Variants in EML5 observed in about 807,000 individuals in gnomAD.
EML5 encodes echinoderm microtubule-associated protein-like 5.
In EML5, 120 loss-of-function variants were observed where a neutral mutation model predicts 250.0. The observed-to-expected ratio is 0.48, with a 90% CI of 0.41 to 0.56. The LOEUF (loss-of-function observed/expected upper bound fraction) is 0.56. EML5 is among the 20% of genes least tolerant of loss of function. The pLI, the probability that EML5 is intolerant of heterozygous loss-of-function variation, is 0.00. For missense variants in EML5, 2,006 were observed against 2,437.6 expected (o/e 0.82, Z 3.73); for synonymous variants, 771 against 806.5 (o/e 0.96, Z 0.75).
chr14:88,696,829 G>T lies in EML5; in HGVS notation c.2344+18C>A, dbSNP rs779596460. On this transcript the variant is annotated intron_variant, in intron 15 of 43. Transcript: ENST00000554922. ...TCTGCATTTTGTTAATTCTTACTGAGACAGCAAACAGCCTTACCTGAGAAA... is the reference window on the plus strand; with the variant it reads ...TCTGCATTTTGTTAATTCTTACTGATACAGCAAACAGCCTTACCTGAGAAA... 2 of 1,564,372 alleles carry T rather than the reference G, an allele frequency of 1.3e-6. No individual in the cohort carries two copies. Among genetic ancestry groups the T allele is most frequent in the South Asian group, 2.4e-5 (2 of 84,360 alleles).
chr14:88,779,296 TATCAG>T (rs2094474862), intron 1 of EML5, among the ~76,000 whole-genome samples: 2 of 152,224 alleles, frequency 1.3e-5, no homozygotes, highest in Admixed American at 1.3e-4. Context: ...ATGAGTATCA[TATCAG>T]AAGTTTAAAT....
chr14:88,690,731 G>A (rs1297712952), intron 17 of EML5, among the ~76,000 whole-genome samples: 1 of 152,162 alleles, frequency 6.6e-6, no homozygotes, highest in African/African-American at 2.4e-5. Context: ...TATGCTGAAG[G>A]GAAAGTCAGT....
intron 1 of EML5, among the ~76,000 whole-genome samples, chr14:88,776,865 A>G (rs2094451869): frequency 6.6e-6 from 1 of 152,148 alleles, no homozygotes; most frequent in African/African-American, 2.4e-5. Flanking sequence ...TGGGTGACAG[A>G]GCAAGACCCC....
intron 29 of EML5, among the ~76,000 whole-genome samples, chr14:88,645,650 C>T (rs1216624705): frequency 6.6e-6 from 1 of 152,152 alleles, no homozygotes; most frequent in Non-Finnish European, 1.5e-5. Context: ...GCTGAAGTCC[C>T]TAGTACTGGT....
At chr14:88,621,894 CTT>C (rs1567020219) in intron 37 of EML5, 1 of 456,452 alleles carries the variant, frequency 2.2e-6, no homozygotes, top group Admixed American at 2.4e-5. Context: ...AAAATCCTCT[CTT>C]GTAAATACCT....
intron 4 of EML5, among the ~76,000 whole-genome samples, chr14:88,742,010 C>T (rs2093931927): frequency 6.6e-6 from 1 of 151,940 alleles, no homozygotes; most frequent in Admixed American, 6.6e-5. Context: ...TTCAGCATGT[C>T]CTAATTTGAA....
intron 7 of EML5, among the ~76,000 whole-genome samples, chr14:88,735,036 A>G (rs902848489): frequency 6.6e-6 from 1 of 152,160 alleles, no homozygotes; most frequent in Non-Finnish European, 1.5e-5. Context: ...GATGTTTGAG[A>G]TATCTTTTAA....
intron 13 of EML5, among the ~76,000 whole-genome samples, chr14:88,703,406 A>G (rs937824373): frequency 1.3e-5 from 2 of 152,198 alleles, no homozygotes; most frequent in African/African-American, 4.8e-5. Context: ...CCATGAGAAT[A>G]CAACGTATAT....
At chr14:88,635,752 C>CA (rs2140523881) in intron 32 of EML5, among the ~76,000 whole-genome samples, 1 of 152,164 alleles carries the variant, frequency 6.6e-6, no homozygotes, top group East Asian at 1.9e-4. Flanking sequence ...TGTCTTCCCC[C>CA]AAAATTCATA....
intron 1 of EML5, among the ~76,000 whole-genome samples, chr14:88,766,879 T>C (rs1234812207): frequency 6.6e-6 from 1 of 152,110 alleles, no homozygotes; most frequent in Non-Finnish European, 1.5e-5. Context: ...TTAGGGAAAA[T>C]AGAAAAGGAC....
chr14:88,631,847 C>T (rs2090458216), intron 33 of EML5, among the ~76,000 whole-genome samples: 1 of 152,158 alleles, frequency 6.6e-6, no homozygotes, highest in African/African-American at 2.4e-5. Flanking sequence ...CAGCTCATAT[C>T]TCTTCTAATG....
At chr14:88,684,017 C>G (rs895446856) in intron 20 of EML5, among the ~76,000 whole-genome samples, 2 of 151,874 alleles carry the variant, frequency 1.3e-5, no homozygotes, top group African/African-American at 4.8e-5. Context: ...AGAAGTAAAA[C>G]TATGTGTATT....
At chr14:88,734,110 A>C (rs907072033) in intron 7 of EML5, among the ~76,000 whole-genome samples, 1 of 152,180 alleles carries the variant, frequency 6.6e-6, no homozygotes, top group African/African-American at 2.4e-5. Context: ...CTAAAAGTAA[A>C]GGAGAAAAAG....
At chr14:88,627,246 T>C in intron 34 of EML5, 200 bp from the exon 35 acceptor site, 1 of 592,250 alleles carries the variant, frequency 1.7e-6, no homozygotes, top group Non-Finnish European at 3.0e-6. Flanking sequence ...CTCCATTAAC[T>C]TTTCTTTATA....
At chr14:88,780,723 G>A (rs748747649) in intron 1 of EML5, among the ~76,000 whole-genome samples, 29 of 152,102 alleles carry the variant, frequency 1.9e-4, no homozygotes, top group South Asian at 4.2e-4. Flanking sequence ...TTACAGGCGC[G>A]CGCCATCATG....
At chr14:88,687,187 T>G (rs775073941) in intron 19 of EML5, 29 bp downstream of exon 19, 39 of 1,537,516 alleles carry the variant, frequency 2.5e-5, no homozygotes, top group Admixed American at 3.7e-5. Context: ...TTTTTTCCTA[T>G]ACAAAAACCC....
chr14:88,754,321 T>A (rs944166490), intron 2 of EML5, among the ~76,000 whole-genome samples, 191 bp downstream of exon 2: 1 of 152,124 alleles, frequency 6.6e-6, no homozygotes, highest in Non-Finnish European at 1.5e-5. Flanking sequence ...TTAATTCAAT[T>A]GAGAAAGTTC....
chr14:88,687,250 A>C lies in EML5; in HGVS notation c.2820T>G (p.Ala940=). 2.5e-6 allele frequency: 4 copies of C among 1,611,566 alleles called. No homozygotes were observed. The highest frequency in any genetic ancestry group is 3.4e-6 in the Non-Finnish European group (4 of 1,179,014). ...CTGGGGCCAATGCAGCTCTTTTTAT[A>C]GCATAGGTCTTGAGACATCTTTCAA... The part of the protein sequence containing the change: ...DSFERCLKTY[A]IKRAALAPGS... Residue 940 remains alanine, a synonymous_variant, in exon 19 of 44, where the codon GCT becomes GCG. Coordinates refer to ENST00000554922, the MANE Select transcript of EML5 (RefSeq NM_183387.3).
intron 17 of EML5, among the ~76,000 whole-genome samples, chr14:88,689,862 G>A (rs12436982): frequency 0.24 from 36,061 of 152,144 alleles, 4,465 homozygotes; most frequent in East Asian, 0.37. Flanking sequence ...TTCATGGTGA[G>A]AGACAGTCAA....
Sources: allele counts gnomAD v4.1 joint callset (sites outside exome capture counted in the v4.1 genomes callset), GRCh38; gene constraint gnomAD v4.1.1; transcripts MANE v1.5; gene names NCBI Gene and HGNC (gene_info 2026-07-23, HGNC 2026-07-21).